The following SGCZ variants were observed in gnomAD, a reference collection of about 807,000 sequenced individuals.
The protein encoded by SGCZ is zeta-sarcoglycan.
A neutral mutation model predicts 41.3 loss-of-function variants in SGCZ; 40 were observed. The observed-to-expected ratio is 0.97, with a 90% CI of 0.75 to 1.26. The LOEUF (loss-of-function observed/expected upper bound fraction) is 1.26. Ranked by LOEUF, SGCZ falls within the 50% of genes most tolerant of loss-of-function variation. The pLI is 0.00. For missense variants in SGCZ, 552 were observed against 369.8 expected (o/e 1.49, Z -4.04); for synonymous variants, 206 against 137.5 (o/e 1.50, Z -3.49).
intron 1 of SGCZ, among the ~76,000 whole-genome samples, chr8:14,808,859 A>C (rs1801642191): frequency 6.6e-6 from 1 of 151,910 alleles, no homozygotes; most frequent in Admixed American, 6.6e-5. Flanking sequence ...GACTGGATTA[A>C]GAAAATGTGG....
chr8:14,885,843 A>G (rs1353215700), intron 1 of SGCZ, among the ~76,000 whole-genome samples: 1 of 151,664 alleles, frequency 6.6e-6, no homozygotes, highest in Admixed American at 6.6e-5. Flanking sequence ...AAAGAAGTGC[A>G]ACTCACAGAA....
rs1474754807 is a variant in SGCZ, at chr8:14,089,254, G to A, written c.*1189C>T. On this transcript the variant is annotated 3_prime_UTR_variant, in exon 8 of 8. Coordinates refer to ENST00000382080, the MANE Select transcript of SGCZ (RefSeq NM_139167.4). ...TATGTTAACAGCTGAATAGAAATGG[G>A]ACTAAATTCCCTAAAATATGAATGT... Among the ~76,000 whole-genome samples, 1 of 151,892 alleles carries A rather than the reference G, an allele frequency of 6.6e-6. No homozygotes were observed. Among genetic ancestry groups the A allele is most frequent in the Non-Finnish European group, 1.5e-5 (1 of 67,920 alleles).
At chr8:15,055,577 T>C (rs1463697955) in intron 1 of SGCZ, among the ~76,000 whole-genome samples, 1 of 152,212 alleles carries the variant, frequency 6.6e-6, no homozygotes, top group Non-Finnish European at 1.5e-5. Flanking sequence ...GGCAACAGTA[T>C]GGTTTTTATG....
chr8:14,883,000 T>C (rs1420445195), intron 1 of SGCZ, among the ~76,000 whole-genome samples: 6 of 152,182 alleles, frequency 3.9e-5, no homozygotes, highest in Non-Finnish European at 7.3e-5. Context: ...TACATCTATG[T>C]ATTTATACAT....
At chr8:14,310,064 G>T (rs930923352) in intron 3 of SGCZ, among the ~76,000 whole-genome samples, 2 of 152,052 alleles carry the variant, frequency 1.3e-5, no homozygotes, top group African/African-American at 4.8e-5. Context: ...TTGTTCCATT[G>T]TATGCAGGAG....
At chr8:14,900,071 A>C (rs905743945) in intron 1 of SGCZ, among the ~76,000 whole-genome samples, 6 of 152,126 alleles carry the variant, frequency 3.9e-5, no homozygotes, top group Non-Finnish European at 8.8e-5. Flanking sequence ...TATTTTATAA[A>C]TATAATAAAC....
At chr8:14,797,495 T>C (rs541953832) in intron 1 of SGCZ, among the ~76,000 whole-genome samples, 1 of 152,158 alleles carries the variant, frequency 6.6e-6, no homozygotes, top group South Asian at 2.1e-4. Context: ...GCAGAAGAAA[T>C]CTCTAAGTGG....
At chr8:14,856,582 T>C (rs1183760441) in intron 1 of SGCZ, among the ~76,000 whole-genome samples, 2 of 152,158 alleles carry the variant, frequency 1.3e-5, no homozygotes, top group African/African-American at 2.4e-5. Context: ...CAATAGAGTA[T>C]TCTGGAGAGC....
At chr8:14,795,590 C>T (rs1439651076) in intron 1 of SGCZ, among the ~76,000 whole-genome samples, 1 of 152,166 alleles carries the variant, frequency 6.6e-6, no homozygotes, top group Non-Finnish European at 1.5e-5. Flanking sequence ...CATGCCATCA[C>T]ATCCTGCTAT....
intron 1 of SGCZ, among the ~76,000 whole-genome samples, chr8:14,747,374 C>T (rs927412482): frequency 6.6e-6 from 1 of 152,102 alleles, no homozygotes; most frequent in African/African-American, 2.4e-5. Context: ...TACTGGTGGC[C>T]TGGCCATATT....
At chr8:14,517,592 AT>A (rs1435118372) in intron 2 of SGCZ, among the ~76,000 whole-genome samples, 1 of 151,976 alleles carries the variant, frequency 6.6e-6, no homozygotes, top group Non-Finnish European at 1.5e-5. Context: ...GAAGCTTTAT[AT>A]TTTTTATAGA....
chr8:14,324,765 T>C (rs1271927499), intron 2 of SGCZ, among the ~76,000 whole-genome samples: 1 of 152,066 alleles, frequency 6.6e-6, no homozygotes, highest in Non-Finnish European at 1.5e-5. Flanking sequence ...GGTACACAAA[T>C]AATGCTCATG....
chr8:14,199,120 A>G (rs1805372738), intron 4 of SGCZ, among the ~76,000 whole-genome samples: 1 of 152,214 alleles, frequency 6.6e-6, no homozygotes, highest in South Asian at 2.1e-4. Context: ...GAACAGAGCC[A>G]TATTTCTCTT....
chr8:14,507,736 A>G (rs1229515394), intron 2 of SGCZ, among the ~76,000 whole-genome samples: 2 of 137,050 alleles, frequency 1.5e-5, no homozygotes, highest in South Asian at 2.3e-4. Context: ...TAATTTCTAC[A>G]TTGCTGTTTT....
At chr8:15,008,872 C>T (rs1051074686) in intron 1 of SGCZ, among the ~76,000 whole-genome samples, 2 of 151,426 alleles carry the variant, frequency 1.3e-5, no homozygotes, top group Non-Finnish European at 2.9e-5. Context: ...AATTTTAAGT[C>T]CCTGACAATC....
At chr8:15,106,813 T>C (rs962695417) in intron 1 of SGCZ, among the ~76,000 whole-genome samples, 12 of 152,244 alleles carry the variant, frequency 7.9e-5, no homozygotes, top group African/African-American at 2.9e-4. Context: ...GTTTCCCACT[T>C]TACTGGGAAA....
At chr8:14,708,563 C>G (rs1403063167) in intron 1 of SGCZ, among the ~76,000 whole-genome samples, 2 of 151,844 alleles carry the variant, frequency 1.3e-5, no homozygotes, top group Non-Finnish European at 1.5e-5. Context: ...TTCTGACATG[C>G]CTGAGCCTGT....
chr8:15,218,648 C>A (rs1246966832), intron 1 of SGCZ, among the ~76,000 whole-genome samples: 1 of 152,162 alleles, frequency 6.6e-6, no homozygotes, highest in African/African-American at 2.4e-5. Context: ...CTAGTGTACC[C>A]ACATGAGTAC....
intron 2 of SGCZ, among the ~76,000 whole-genome samples, chr8:14,452,146 A>T (rs951138254): frequency 5.9e-5 from 9 of 152,212 alleles, no homozygotes; most frequent in African/African-American, 2.2e-4. Flanking sequence ...ATTCAACACT[A>T]AAAAGAAATA....
Sources: allele counts gnomAD v4.1 joint callset (sites outside exome capture counted in the v4.1 genomes callset), GRCh38; gene constraint gnomAD v4.1.1; transcripts MANE v1.5; gene names NCBI Gene and HGNC (gene_info 2026-07-23, HGNC 2026-07-21).